TANGO6: variants seen among roughly 807,000 people sequenced by gnomAD.
TANGO6 encodes transport and golgi organization 6 homolog.
A neutral mutation model predicts 114.2 loss-of-function variants in TANGO6; 90 were observed. The ratio of observed to expected loss-of-function variants is 0.79; its 90% confidence interval spans 0.66 to 0.94. The LOEUF (loss-of-function observed/expected upper bound fraction) is 0.94, where lower values mean the gene tolerates loss of function less well. Among genes scored for constraint, TANGO6 ranks in the 40% least tolerant of loss-of-function variants. The pLI, the probability that TANGO6 is intolerant of heterozygous loss-of-function variation, is 0.00. For synonymous variants in TANGO6, 477 were observed against 509.8 expected (o/e 0.94, Z 0.87); for missense variants, 1,274 against 1,315.3 (o/e 0.97, Z 0.49).
chr16:68,984,038 G>GAA (rs1165109764), intron 15 of TANGO6, among the ~76,000 whole-genome samples: 3 of 73,338 alleles, frequency 4.1e-5, no homozygotes, highest in South Asian at 4.5e-4. Flanking sequence ...GTCTCAAAAA[G>GAA]AAAAAAAAAA....
chr16:68,942,353 A>T (rs1178709037), intron 14 of TANGO6, among the ~76,000 whole-genome samples: 3 of 152,128 alleles, frequency 2.0e-5, no homozygotes, highest in South Asian at 2.1e-4. Context: ...GGATGTTAAA[A>T]CCTTAATCCT....
intron 9 of TANGO6, 84 bp from the exon 10 acceptor site, chr16:68,907,359 G>A (rs1394766962): frequency 1.5e-6 from 2 of 1,374,242 alleles, no homozygotes; most frequent in African/African-American, 2.9e-5. Flanking sequence ...GACATAACAT[G>A]TTACTTTAGA....
chr16:68,885,213 T>A (rs1962524390), intron 7 of TANGO6, among the ~76,000 whole-genome samples: 1 of 152,226 alleles, frequency 6.6e-6, no homozygotes, highest in South Asian at 2.1e-4. Context: ...AAAGAGTGTT[T>A]AATTTTAGAG....
intron 1 of TANGO6, among the ~76,000 whole-genome samples, chr16:68,858,282 T>TC (rs1962032683): frequency 6.6e-6 from 1 of 152,206 alleles, no homozygotes; most frequent in Non-Finnish European, 1.5e-5. Context: ...CAGGCTGGTC[T>TC]CCAACTCCTG....
intron 8 of TANGO6, among the ~76,000 whole-genome samples, chr16:68,901,356 C>A (rs912124491): frequency 6.6e-6 from 1 of 152,138 alleles, no homozygotes; most frequent in African/African-American, 2.4e-5. Context: ...ACATAGTTCC[C>A]CTGGCTCTTC....
chr16:68,908,851 T>G (rs1962886151), intron 10 of TANGO6, among the ~76,000 whole-genome samples: 1 of 152,126 alleles, frequency 6.6e-6, no homozygotes, highest in Non-Finnish European at 1.5e-5. Flanking sequence ...AACCATTTCT[T>G]TGTGTGTGTG....
intron 17 of TANGO6, among the ~76,000 whole-genome samples, chr16:69,048,142 G>A (rs749926759): frequency 6.6e-6 from 1 of 151,944 alleles, no homozygotes; most frequent in African/African-American, 2.4e-5. Flanking sequence ...GAGCACAGTG[G>A]CGCAATATCA....
At position 68,859,893 on chromosome 16, in the gene TANGO6, C is replaced by G. The variant is rs1189909326; in HGVS notation, c.104C>G (p.Ser35Ter). Reference sequence around the variant, plus strand: ...TTTTCTTCTTCAAAAGGCTCGGGCTCAAGTTCACTACAGGTCACAAAACAT... The same window carrying G: ...TTTTCTTCTTCAAAAGGCTCGGGCTGAAGTTCACTACAGGTCACAAAACAT... ...KLLLSPGGSGSSSLQVTKHDV... is the reference protein window; with the variant it reads ...KLLLSPGGSG The change falls in exon 2 of 18, where the codon TCA (serine) becomes TGA (stop). Residue 35 changes from serine to a stop codon, truncating the protein, a stop_gained. Transcript: ENST00000261778. LOFTEE classifies it high-confidence loss of function. 6.4e-7 allele frequency: 1 copy of G among 1,563,242 alleles called. No homozygotes were observed. Among genetic ancestry groups the G allele is most frequent in the Non-Finnish European group, 8.6e-7 (1 of 1,158,488 alleles).
At chr16:68,944,521 C>G (rs1597031294) in intron 14 of TANGO6, among the ~76,000 whole-genome samples, 1 of 152,192 alleles carries the variant, frequency 6.6e-6, no homozygotes, top group Middle Eastern at 3.4e-3. Context: ...GAGAGAGACC[C>G]CCCTCCAAAT....
At chr16:68,891,292 CAAA>C (rs534661540) in intron 7 of TANGO6, among the ~76,000 whole-genome samples, 6 of 84,906 alleles carry the variant, frequency 7.1e-5, no homozygotes, top group Admixed American at 2.7e-4. Flanking sequence ...AACTCCATCT[CAAA>C]AAAAAAAAAA....
At chr16:68,951,056 GC>G (rs2152205458) in intron 14 of TANGO6, among the ~76,000 whole-genome samples, 1 of 152,094 alleles carries the variant, frequency 6.6e-6, no homozygotes, top group East Asian at 1.9e-4. Flanking sequence ...AGGTGCTGTG[GC>G]TGCTGCCTGT....
At chr16:68,969,886 C>A (rs1392951028) in intron 14 of TANGO6, among the ~76,000 whole-genome samples, 1 of 152,084 alleles carries the variant, frequency 6.6e-6, no homozygotes, top group Non-Finnish European at 1.5e-5. Flanking sequence ...TCTTCTTCTC[C>A]CTCCCTCTCA....
At chr16:68,932,295 T>C (rs1963253072) in intron 14 of TANGO6, among the ~76,000 whole-genome samples, 1 of 152,062 alleles carries the variant, frequency 6.6e-6, no homozygotes, top group African/African-American at 2.4e-5. Flanking sequence ...TTCTCCATGT[T>C]GGTCAGGCTG....
intron 17 of TANGO6, among the ~76,000 whole-genome samples, chr16:69,069,772 A>G (rs915949958): frequency 3.3e-5 from 5 of 151,982 alleles, no homozygotes; most frequent in African/African-American, 4.8e-5. Context: ...TCTTGTTTCT[A>G]TAGAATATTG....
chr16:69,019,423 A>G (rs549343751), intron 15 of TANGO6, among the ~76,000 whole-genome samples: 1 of 152,176 alleles, frequency 6.6e-6, no homozygotes, highest in Admixed American at 6.5e-5. Flanking sequence ...TATGTTAGGA[A>G]TTGGGAGCAT....
intron 12 of TANGO6, 148 bp downstream of exon 12, chr16:68,919,367 C>A: frequency 9.0e-7 from 1 of 1,114,342 alleles, no homozygotes; most frequent in Non-Finnish European, 1.2e-6. Flanking sequence ...AATGAGAATT[C>A]TCTCCAAAGT....
chr16:68,929,979 A>G (rs907416088), intron 13 of TANGO6, among the ~76,000 whole-genome samples: 4 of 152,196 alleles, frequency 2.6e-5, no homozygotes, highest in African/African-American at 7.2e-5. Flanking sequence ...AAAAATGTTG[A>G]GGATTGTTCT....
At chr16:68,960,464 G>A (rs1339119245) in intron 14 of TANGO6, among the ~76,000 whole-genome samples, 1 of 151,302 alleles carries the variant, frequency 6.6e-6, no homozygotes, top group East Asian at 1.9e-4. Context: ...TTCCAGTGCT[G>A]TTTTTTAAAT....
At chr16:69,037,621 A>G (rs910937364) in intron 16 of TANGO6, among the ~76,000 whole-genome samples, 3 of 152,208 alleles carry the variant, frequency 2.0e-5, no homozygotes, top group African/African-American at 7.2e-5. Context: ...GAGGTTGCCC[A>G]AGGAATTCCT....
Sources: gnomAD v4.1 joint callset for allele counts (sites outside exome capture counted in the v4.1 genomes callset) on GRCh38, gnomAD v4.1.1 for gene constraint, MANE v1.5 for transcripts, NCBI Gene and HGNC (gene_info 2026-07-23, HGNC 2026-07-21) for gene names.